The following PCDH15 variants were observed in gnomAD, a reference collection of about 807,000 sequenced individuals.
PCDH15 encodes protocadherin-15.
A neutral mutation model predicts 178.5 loss-of-function variants in PCDH15; 129 were observed. The ratio of observed to expected loss-of-function variants is 0.72; its 90% CI spans 0.63 to 0.84. The LOEUF (loss-of-function observed/expected upper bound fraction) is 0.84. Among genes scored for constraint, PCDH15 ranks in the 40% least tolerant of loss-of-function variants. The pLI is 0.00. For synonymous variants in PCDH15, 800 were observed against 732.0 expected (o/e 1.09, Z -1.50); for missense variants, 2,230 against 2,099.9 (o/e 1.06, Z -1.21).
chr10:54,986,456 T>C (rs1372507187), intron 2 of PCDH15, among the ~76,000 whole-genome samples: 1 of 152,200 alleles, frequency 6.6e-6, no homozygotes, highest in Non-Finnish European at 1.5e-5. Flanking sequence ...ATTTTCCCAC[T>C]AGACATAACT....
intron 2 of PCDH15, among the ~76,000 whole-genome samples, chr10:55,484,450 T>C (rs1048862523): frequency 7.3e-5 from 11 of 151,724 alleles, no homozygotes; most frequent in Non-Finnish European, 1.2e-4. Context: ...AGAATTAATA[T>C]TGTTAAAATG....
At chr10:54,833,253 A>T (rs1163590772) in intron 3 of PCDH15, among the ~76,000 whole-genome samples, 1 of 151,872 alleles carries the variant, frequency 6.6e-6, no homozygotes, top group Non-Finnish European at 1.5e-5. Flanking sequence ...GATGTTACAA[A>T]GTATGATAAT....
chr10:55,468,705 T>C (rs553697576), intron 2 of PCDH15, among the ~76,000 whole-genome samples: 1 of 152,302 alleles, frequency 6.6e-6, no homozygotes, highest in East Asian at 1.9e-4. Context: ...AACACCTGCT[T>C]TAAAAAATAT....
intron 2 of PCDH15, among the ~76,000 whole-genome samples, chr10:55,042,698 A>T (rs984274519): frequency 1.2e-4 from 18 of 152,148 alleles, no homozygotes; most frequent in African/African-American, 4.1e-4. Context: ...AGTCATGTCT[A>T]TCAGTGAATT....
At chr10:55,468,776 CA>C (rs1163722372) in intron 2 of PCDH15, among the ~76,000 whole-genome samples, 1 of 152,110 alleles carries the variant, frequency 6.6e-6, no homozygotes, top group Non-Finnish European at 1.5e-5. Flanking sequence ...AACAAATTAA[CA>C]GGGTTTTTTA....
At chr10:54,761,618 G>A (rs909568383) in intron 1 of PCDH15, among the ~76,000 whole-genome samples, 1 of 151,482 alleles carries the variant, frequency 6.6e-6, no homozygotes, top group Admixed American at 6.6e-5. Flanking sequence ...GGGAGGTGGA[G>A]GTTGCAGTGA....
intron 3 of PCDH15, among the ~76,000 whole-genome samples, chr10:54,825,791 T>C (rs1953121846): frequency 6.6e-6 from 1 of 152,162 alleles, no homozygotes; most frequent in Non-Finnish European, 1.5e-5. Context: ...CACAGTCATC[T>C]TGACTAATTA....
chr10:54,300,304 G>A (rs1355399762), intron 8 of PCDH15, among the ~76,000 whole-genome samples: 2 of 152,108 alleles, frequency 1.3e-5, no homozygotes, highest in Non-Finnish European at 2.9e-5. Context: ...TTCTAGGTCC[G>A]GTAGCAGCCA....
intron 2 of PCDH15, among the ~76,000 whole-genome samples, chr10:55,382,783 G>A (rs1411348651): frequency 6.6e-6 from 1 of 152,100 alleles, no homozygotes; most frequent in Non-Finnish European, 1.5e-5. Flanking sequence ...ACCCCTTCAC[G>A]GGACTTGAGA....
chr10:55,078,537 T>A (rs1291246176), intron 2 of PCDH15, among the ~76,000 whole-genome samples: 1 of 152,152 alleles, frequency 6.6e-6, no homozygotes, highest in African/African-American at 2.4e-5. Flanking sequence ...TTTGACTGAC[T>A]GGGTTATTTC....
At position 54,215,928 on chromosome 10, in the gene PCDH15, A is replaced by C. The variant is rs113258825; in HGVS notation, c.986-1880T>G. Among the ~76,000 whole-genome samples, 3 of 150,246 alleles carry C rather than the reference A, an allele frequency of 2.0e-5. No homozygotes were observed. In the Admixed American group the frequency reaches 2.0e-4, roughly 10 times the overall value. Reference sequence around the variant, plus strand: ...CCTGGTGGCGGGCGCCTGTAGTCCCAGCTACTTGGGAGGCTGAGGCAGGAA... The same window carrying C: ...CCTGGTGGCGGGCGCCTGTAGTCCCCGCTACTTGGGAGGCTGAGGCAGGAA... On this transcript the variant is annotated intron_variant, in intron 9 of 37. Coordinates refer to ENST00000644397, the MANE Select transcript of PCDH15 (RefSeq NM_001384140.1).
intron 15 of PCDH15, among the ~76,000 whole-genome samples, chr10:54,097,999 T>C (rs948462172): frequency 1.3e-5 from 2 of 152,184 alleles, no homozygotes; most frequent in African/African-American, 4.8e-5. Context: ...GTACTTCCTA[T>C]GACTGGGAGC....
intron 3 of PCDH15, among the ~76,000 whole-genome samples, chr10:54,828,835 CAGAT>C (rs1311460927): frequency 1.3e-5 from 2 of 151,860 alleles, no homozygotes; most frequent in Non-Finnish European, 2.9e-5. Flanking sequence ...GGTAAAGAAA[CAGAT>C]AGCCAGAAGT....
At chr10:54,533,935 A>C (rs1323940879) in intron 2 of PCDH15, among the ~76,000 whole-genome samples, 1 of 152,070 alleles carries the variant, frequency 6.6e-6, no homozygotes. Context: ...CTAACTTCAA[A>C]TCCTAACTTT....
chr10:54,624,866 G>A (rs1033832375), intron 2 of PCDH15, among the ~76,000 whole-genome samples: 2 of 152,168 alleles, frequency 1.3e-5, no homozygotes, highest in East Asian at 1.9e-4. Context: ...CCATCACCCA[G>A]GTGGGATTGT....
chr10:55,320,116 T>C (rs1843849375), upstream of PCDH15, among the ~76,000 whole-genome samples: 1 of 152,142 alleles, frequency 6.6e-6, no homozygotes, highest in African/African-American at 2.4e-5. Context: ...CAGCATGCAC[T>C]TGCCCACGGC....
intron 1 of PCDH15, among the ~76,000 whole-genome samples, chr10:54,681,973 C>A (rs1420110960): frequency 1.3e-5 from 2 of 152,000 alleles, no homozygotes; most frequent in East Asian, 1.9e-4. Flanking sequence ...TGGAAGTTTG[C>A]GGATGAGAAA....
chr10:55,621,826 A>G (rs1319216804), intron 2 of PCDH15, among the ~76,000 whole-genome samples: 1 of 151,226 alleles, frequency 6.6e-6, no homozygotes, highest in Non-Finnish European at 1.5e-5. Context: ...AAGTTCAATA[A>G]ATATAGGAAA....
At chr10:54,377,550 T>C (rs1237450306) in intron 4 of PCDH15, among the ~76,000 whole-genome samples, 2 of 152,130 alleles carry the variant, frequency 1.3e-5, no homozygotes, top group Non-Finnish European at 2.9e-5. Flanking sequence ...AAGAGGCAAA[T>C]TGAGATTTAT....
Sources: gnomAD v4.1 joint callset for allele counts (sites outside exome capture counted in the v4.1 genomes callset) on GRCh38, gnomAD v4.1.1 for gene constraint, MANE v1.5 for transcripts, NCBI Gene and HGNC (gene_info 2026-07-23, HGNC 2026-07-21) for gene names.